FANK1: variants seen among roughly 807,000 people sequenced by gnomAD.
FANK1 encodes fibronectin type III and ankyrin repeat domains 1, also known as fibronectin type 3 and ankyrin repeat domains protein 1.
FANK1 carries 44 observed loss-of-function variants against 45.3 expected under a neutral mutation model. That is an observed-to-expected ratio of 0.97 (90% CI 0.76 to 1.25). FANK1 has a LOEUF of 1.25. Among genes scored for constraint, FANK1 ranks in the 50% most tolerant of loss-of-function variants. FANK1 has a pLI of 0.00. For synonymous variants in FANK1, 149 were observed against 152.5 expected (o/e 0.98, Z 0.17); for missense variants, 391 against 424.4 (o/e 0.92, Z 0.69).
chr10:125,994,313 T>A, intron 3 of FANK1: 1 of 829,208 alleles, frequency 1.2e-6, no homozygotes, highest in Non-Finnish European at 1.5e-6. Flanking sequence ...TGGGAACTAA[T>A]GGTTAGCTCT....
intron 6 of FANK1, among the ~76,000 whole-genome samples, chr10:125,998,695 A>C (rs938069921): frequency 3.9e-5 from 6 of 152,230 alleles, no homozygotes; most frequent in Non-Finnish European, 7.3e-5. Context: ...TGTAAACATG[A>C]AAAGAAGTTT....
intron 4 of FANK1, 96 bp from the exon 5 acceptor site, chr10:125,996,454 G>C: frequency 3.8e-6 from 4 of 1,052,670 alleles, no homozygotes; most frequent in Non-Finnish European, 4.2e-6. Flanking sequence ...AGTAAAATGA[G>C]TCATTTTACC....
intron 1 of FANK1, among the ~76,000 whole-genome samples, chr10:125,939,934 ATT>A (rs1190885268): frequency 6.7e-6 from 1 of 149,872 alleles, no homozygotes. Flanking sequence ...TATTATTATT[ATT>A]TTTTTTTTTT....
intron 1 of FANK1, among the ~76,000 whole-genome samples, chr10:125,916,253 T>C (rs1946437260): frequency 1.3e-5 from 2 of 152,098 alleles, no homozygotes; most frequent in Non-Finnish European, 2.9e-5. Flanking sequence ...GCCAGGATGG[T>C]CTCGATCTCT....
intron 1 of FANK1, among the ~76,000 whole-genome samples, chr10:125,962,406 T>C (rs2134180226): frequency 6.6e-6 from 1 of 152,292 alleles, no homozygotes; most frequent in East Asian, 1.9e-4. Flanking sequence ...ATTTCAAACA[T>C]TTTGTTTCTT....
intron 1 of FANK1, among the ~76,000 whole-genome samples, chr10:125,943,920 C>T (rs1298745607): frequency 6.6e-6 from 1 of 152,204 alleles, no homozygotes; most frequent in Non-Finnish European, 1.5e-5. Flanking sequence ...GAACTGCGTC[C>T]AGAATATATT....
intron 2 of FANK1, among the ~76,000 whole-genome samples, chr10:125,986,402 A>C (rs1951562034): frequency 6.6e-6 from 1 of 152,182 alleles, no homozygotes; most frequent in Admixed American, 6.5e-5. Flanking sequence ...ACATTTTAAC[A>C]AAGGACAGAA....
chr10:125,914,134 C>G (rs2134119074), intron 1 of FANK1, among the ~76,000 whole-genome samples: 2 of 152,182 alleles, frequency 1.3e-5, no homozygotes, highest in Non-Finnish European at 2.9e-5. Context: ...GAAACCCTGC[C>G]CGCCTCCCAG....
intron 1 of FANK1, among the ~76,000 whole-genome samples, chr10:125,911,116 G>A (rs1379397454): frequency 5.3e-5 from 8 of 152,160 alleles, no homozygotes; most frequent in Non-Finnish European, 7.4e-5. Context: ...GGCCTTGGGA[G>A]TAAGGATTGT....
chr10:125,980,073 C>T (rs916069856), intron 1 of FANK1, 88 bp from the exon 2 acceptor site: 7 of 1,377,132 alleles, frequency 5.1e-6, no homozygotes, highest in East Asian at 2.4e-5. Context: ...AAAAATAGCT[C>T]GATCACCAAG....
At chr10:126,002,444 C>T (rs1409133425) in intron 6 of FANK1, among the ~76,000 whole-genome samples, 1 of 152,198 alleles carries the variant, frequency 6.6e-6, no homozygotes, top group Non-Finnish European at 1.5e-5. Flanking sequence ...TATGAACACC[C>T]TAAACCCAGC....
At chr10:125,970,262 C>G (rs924127693) in intron 1 of FANK1, among the ~76,000 whole-genome samples, 13 of 152,002 alleles carry the variant, frequency 8.6e-5, no homozygotes, top group Non-Finnish European at 1.3e-4. Context: ...CCCTGCCTTC[C>G]AGATGGGGCG....
chr10:125,919,745 T>G (rs1029982075), intron 1 of FANK1, among the ~76,000 whole-genome samples: 1 of 152,178 alleles, frequency 6.6e-6, no homozygotes, highest in African/African-American at 2.4e-5. Context: ...AAGTGAGTTT[T>G]TCCACTGAAT....
chr10:125,977,854 A>G (rs1950951085), intron 1 of FANK1, among the ~76,000 whole-genome samples: 1 of 150,048 alleles, frequency 6.7e-6, no homozygotes, highest in African/African-American at 2.5e-5. Flanking sequence ...AGGTGTAGAT[A>G]AGGTACTCTT....
intron 1 of FANK1, among the ~76,000 whole-genome samples, chr10:125,966,302 A>G (rs893662732): frequency 1.3e-5 from 2 of 152,174 alleles, no homozygotes; most frequent in African/African-American, 2.4e-5. Flanking sequence ...TAGATGATGT[A>G]TTCTTTGCCT....
intron 1 of FANK1, among the ~76,000 whole-genome samples, chr10:125,971,916 TGCGCCCG>T (rs1380945660): frequency 6.6e-6 from 1 of 152,144 alleles, no homozygotes; most frequent in East Asian, 1.9e-4. Context: ...TGTGAGCCAC[TGCGCCCG>T]GCCGCTCCGG....
chr10:125,932,298 A>T (rs113870479), intron 1 of FANK1, among the ~76,000 whole-genome samples: 3,512 of 152,224 alleles, frequency 0.023, 149 homozygotes, highest in African/African-American at 0.079. Context: ...TGGCAGTATC[A>T]TCATTTTCAC....
intron 2 of FANK1, among the ~76,000 whole-genome samples, chr10:125,984,025 T>G (rs575057977): frequency 6.6e-6 from 1 of 152,188 alleles, no homozygotes; most frequent in African/African-American, 2.4e-5. Flanking sequence ...ATTTAAGAAC[T>G]TGGTGGTGGA....
Position 125,896,648 on chromosome 10 carries a change from GC to G in FANK1, c.10del (p.Gln4ArgfsTer17). On this transcript the variant is annotated frameshift_variant, in exon 1 of 11. Transcript: ENST00000368693. LOFTEE classifies it high-confidence loss of function. ME[P>X]QKIMPPSKPH... Reference sequence around the variant, plus strand: ...AGGCCGGGGAGCAGCCGACCATGGAGCCCCAGAGTAAGGGAGGCCCGGGCTG... The same window carrying G: ...AGGCCGGGGAGCAGCCGACCATGGAGCCCAGAGTAAGGGAGGCCCGGGCTG... 1 of 1,286,198 alleles carries G rather than the reference GC, an allele frequency of 7.8e-7. No homozygotes were observed. The highest frequency in any genetic ancestry group is 3.6e-5 in the Admixed American group (1 of 27,662). 79.7% of individuals were successfully genotyped at this position (1,286,198 alleles called of 1,614,324 possible).
Sources: gnomAD v4.1 joint callset for allele counts (sites outside exome capture counted in the v4.1 genomes callset) on GRCh38, gnomAD v4.1.1 for gene constraint, MANE v1.5 for transcripts, NCBI Gene and HGNC (gene_info 2026-07-23, HGNC 2026-07-21) for gene names.